The following PGCKA1 variants were observed in gnomAD, a reference collection of about 807,000 sequenced individuals.
PGCKA1 encodes PDCD10 and GCKIII kinases-associated protein 1.
chr4:37,465,428 T>C, the PGCKA1 span, among the ~76,000 whole-genome samples: 1 of 152,072 alleles, frequency 6.6e-6, no homozygotes, highest in Non-Finnish European at 1.5e-5. Flanking sequence ...GAGGAAGGGA[T>C]GTCCAGCTGG....
chr4:37,545,390 C>G, the PGCKA1 span, among the ~76,000 whole-genome samples: 2 of 152,170 alleles, frequency 1.3e-5, no homozygotes, highest in East Asian at 3.9e-4. Context: ...GACACTCAAC[C>G]TGCATTCTTT....
At chr4:37,467,127 T>A in the PGCKA1 span, among the ~76,000 whole-genome samples, 1 of 152,160 alleles carries the variant, frequency 6.6e-6, no homozygotes, top group East Asian at 1.9e-4. Flanking sequence ...GTAGATACAG[T>A]GCAGTACTCT....
the PGCKA1 span, among the ~76,000 whole-genome samples, chr4:37,571,895 G>C: frequency 1.3e-5 from 2 of 151,890 alleles, no homozygotes; most frequent in Non-Finnish European, 2.9e-5. Flanking sequence ...GCCTCCCAAA[G>C]TGCTGGGATT....
chr4:37,564,088 C>T, the PGCKA1 span, among the ~76,000 whole-genome samples: 1 of 152,012 alleles, frequency 6.6e-6, no homozygotes, highest in South Asian at 2.1e-4. Flanking sequence ...GCCTGGCCAA[C>T]ATAGTGAAAC....
the PGCKA1 span, among the ~76,000 whole-genome samples, chr4:37,503,090 G>T: frequency 6.6e-6 from 1 of 152,264 alleles, no homozygotes; most frequent in Non-Finnish European, 1.5e-5. Context: ...CTGCATAGCT[G>T]GTATGCTGCC....
the PGCKA1 span, among the ~76,000 whole-genome samples, chr4:37,581,008 A>G: frequency 6.6e-6 from 1 of 152,080 alleles, no homozygotes; most frequent in Admixed American, 6.6e-5. This position sits in a 1 kb window ranked among gnomAD's most constrained non-coding sequence, Gnocchi z 4.4. Context: ...TCCTCTTCCT[A>G]TCACCATTAC....
chr4:37,557,502 C>T, the PGCKA1 span, among the ~76,000 whole-genome samples: 1 of 152,188 alleles, frequency 6.6e-6, no homozygotes, highest in African/African-American at 2.4e-5. Flanking sequence ...TGAGGACCTG[C>T]TTCATAGATA....
chr4:37,548,828 C>T, the PGCKA1 span, among the ~76,000 whole-genome samples: 1 of 152,132 alleles, frequency 6.6e-6, no homozygotes. Flanking sequence ...ATTAAAACAG[C>T]ATACCAAGAT....
chr4:37,519,715 T>A, the PGCKA1 span, among the ~76,000 whole-genome samples: 1 of 152,212 alleles, frequency 6.6e-6, no homozygotes, highest in Non-Finnish European at 1.5e-5. Context: ...CAAACAAGGA[T>A]AATTTGACTT....
chr4:37,584,374 A>C, the PGCKA1 span: 10 of 152,238 alleles, frequency 6.6e-5, no homozygotes, highest in Non-Finnish European at 1.0e-4. Flanking sequence ...AGAGGCGCGG[A>C]AGCATGACCC....
At chr4:37,496,155 G>A in the PGCKA1 span, among the ~76,000 whole-genome samples, 1 of 152,142 alleles carries the variant, frequency 6.6e-6, no homozygotes, top group African/African-American at 2.4e-5. Flanking sequence ...TGCTTTTGTT[G>A]CGATTACTTT....
At chr4:37,530,000 A>G in the PGCKA1 span, among the ~76,000 whole-genome samples, 3 of 152,352 alleles carry the variant, frequency 2.0e-5, no homozygotes, top group African/African-American at 4.8e-5. Flanking sequence ...TGCTTTAAAA[A>G]AAGAAGTGGG....
chr4:37,458,131 A>T, the PGCKA1 span, among the ~76,000 whole-genome samples: 48 of 152,338 alleles, frequency 3.2e-4, no homozygotes, highest in Non-Finnish European at 4.3e-4. Context: ...TTTACAGGTG[A>T]GGAAACTGAG....
the PGCKA1 span, among the ~76,000 whole-genome samples, chr4:37,502,807 T>C: frequency 4.6e-5 from 7 of 152,096 alleles, no homozygotes; most frequent in East Asian, 7.7e-4. Flanking sequence ...TCAGGCATGG[T>C]CCACCAACAC....
chr4:37,550,176 A>T, the PGCKA1 span, among the ~76,000 whole-genome samples: 1 of 152,182 alleles, frequency 6.6e-6, no homozygotes, highest in Non-Finnish European at 1.5e-5. Context: ...ACCTCCCATG[A>T]TCACAGTCTT....
chr4:37,563,825 G>A, the PGCKA1 span, among the ~76,000 whole-genome samples: 1 of 152,162 alleles, frequency 6.6e-6, no homozygotes, highest in Non-Finnish European at 1.5e-5. Flanking sequence ...TCTTCCAGAT[G>A]TCTGCCATCT....
chr4:37,584,428 C>T, the PGCKA1 span: 3 of 152,330 alleles, frequency 2.0e-5, no homozygotes, highest in Non-Finnish European at 4.4e-5. Flanking sequence ...GTGGTGTGCC[C>T]TAATGGGAGG....
the PGCKA1 span, among the ~76,000 whole-genome samples, chr4:37,503,466 C>G: frequency 6.6e-6 from 1 of 152,322 alleles, no homozygotes; most frequent in East Asian, 1.9e-4. Flanking sequence ...GCTACCCCAC[C>G]ATCTGCCAGG....
At chr4:37,500,818 A>G in the PGCKA1 span, among the ~76,000 whole-genome samples, 1 of 152,224 alleles carries the variant, frequency 6.6e-6, no homozygotes, top group Non-Finnish European at 1.5e-5. Context: ...TTGTGTGTCC[A>G]TATATTTAGG....
Sources: allele counts gnomAD v4.1 joint callset (sites outside exome capture counted in the v4.1 genomes callset), GRCh38; gene constraint gnomAD v4.1.1; non-coding constraint Gnocchi (gnomAD v3.1); transcripts MANE v1.5; gene names NCBI Gene and HGNC (gene_info 2026-07-23, HGNC 2026-07-21).